The following AGFG1 variants were observed in gnomAD, a reference collection of about 807,000 sequenced individuals.
The protein encoded by AGFG1 is arf-GAP domain and FG repeat-containing protein 1.
A neutral mutation model predicts 60.6 loss-of-function variants in AGFG1; 10 were observed. That is an observed-to-expected ratio of 0.16 (90% CI 0.10 to 0.28). AGFG1 has a LOEUF of 0.28. AGFG1 is among the 10% of genes least tolerant of loss of function. AGFG1 has a pLI of 1.00. For missense variants in AGFG1, 537 were observed against 676.5 expected, an observed-to-expected ratio of 0.79 and a Z score of 2.29; for synonymous variants, 247 against 242.9, an observed-to-expected ratio of 1.02 and a Z score of -0.16.
chr2:227,524,674 T>C (rs1186491480), intron 4 of AGFG1, 88 bp from the exon 5 acceptor site: 5 of 1,362,054 alleles, frequency 3.7e-6, no homozygotes, highest in Non-Finnish European at 5.2e-6. Flanking sequence ...TTCGTATGTA[T>C]AAGTGTGTTT....
chr2:227,476,997 G>A (rs1690303885), intron 1 of AGFG1, among the ~76,000 whole-genome samples: 1 of 151,292 alleles, frequency 6.6e-6, no homozygotes, highest in African/African-American at 2.4e-5. Context: ...TGTCTCCCGG[G>A]TTCAAGCCAT....
chr2:227,524,451 C>T (rs1575096717), intron 4 of AGFG1, among the ~76,000 whole-genome samples: 1 of 152,266 alleles, frequency 6.6e-6, no homozygotes. Context: ...AGTTTGTCTT[C>T]TACACTTTAT....
intron 1 of AGFG1, among the ~76,000 whole-genome samples, chr2:227,474,008 T>C (rs931126300): frequency 6.6e-6 from 1 of 152,064 alleles, no homozygotes; most frequent in Non-Finnish European, 1.5e-5. Context: ...AACATGAAAA[T>C]TGTTTGATAG....
intron 12 of AGFG1, among the ~76,000 whole-genome samples, chr2:227,554,017 G>A (rs1383690661): frequency 6.6e-6 from 1 of 152,058 alleles, no homozygotes; most frequent in African/African-American, 2.4e-5. Flanking sequence ...TAAAAAATTA[G>A]TTGCAAATCA....
chr2:227,551,044 A>G (rs192934084), intron 10 of AGFG1, among the ~76,000 whole-genome samples: 46 of 152,340 alleles, frequency 3.0e-4, no homozygotes, highest in African/African-American at 1.1e-3. Flanking sequence ...AAAGAGGGAA[A>G]TGATGGCAGC....
At chr2:227,531,020 A>T (rs1278185607) in intron 5 of AGFG1, 71 bp from the exon 6 acceptor site, 2 of 1,337,922 alleles carry the variant, frequency 1.5e-6, no homozygotes, top group African/African-American at 3.0e-5. Context: ...TAATTCTTAA[A>T]CTCATGTGTC....
intron 2 of AGFG1, among the ~76,000 whole-genome samples, chr2:227,496,186 A>G (rs1314304347): frequency 6.6e-6 from 1 of 151,982 alleles, no homozygotes; most frequent in Non-Finnish European, 1.5e-5. Flanking sequence ...TAGGAGTAAA[A>G]TCAGGCATTG....
intron 2 of AGFG1, among the ~76,000 whole-genome samples, chr2:227,496,206 A>AT (rs1690970991): frequency 6.6e-6 from 1 of 152,042 alleles, no homozygotes; most frequent in South Asian, 2.1e-4. Context: ...GCATGCCAGT[A>AT]TTTGATTATC....
Position 227,531,203 on chromosome 2 carries a change from A to G in AGFG1, c.807A>G (p.Gln269=), listed in dbSNP as rs936554013. ...CAAGTCACTCTCCTTTTCAGCCCCAAACTACAGGTAGAGCTTCTCCAGCAT... is the reference window on the plus strand; with the variant it reads ...CAAGTCACTCTCCTTTTCAGCCCCAGACTACAGGTAGAGCTTCTCCAGCAT... ...PTASHSPFQP[Q]TTGGSAASVN... is the part of the protein sequence containing the mutation. Residue 269 remains glutamine (Q), a synonymous_variant, in exon 6 of 13, where the codon CAA becomes CAG. Transcript: ENST00000310078. The G allele has an allele frequency of 2.5e-6, 4 of 1,613,508 alleles. No individual in the cohort carries two copies. The highest frequency in any genetic ancestry group is 2.5e-6 in the Non-Finnish European group (3 of 1,179,676).
intron 10 of AGFG1, among the ~76,000 whole-genome samples, chr2:227,547,956 T>C (rs1281461784): frequency 6.6e-6 from 1 of 152,240 alleles, no homozygotes; most frequent in Non-Finnish European, 1.5e-5. Flanking sequence ...GCCCGTCAAC[T>C]GATGAAACCA....
At chr2:227,485,243 C>CTTTT (rs71036201) in intron 1 of AGFG1, among the ~76,000 whole-genome samples, 2 of 110,572 alleles carry the variant, frequency 1.8e-5, no homozygotes, top group Non-Finnish European at 1.8e-5. Flanking sequence ...CGAATCGTTT[C>CTTTT]TTTTTTTTTT....
intron 2 of AGFG1, among the ~76,000 whole-genome samples, chr2:227,515,021 C>T (rs78680577): frequency 0.054 from 8,227 of 152,130 alleles, 292 homozygotes; most frequent in African/African-American, 0.09. Flanking sequence ...TTGCCAGGCT[C>T]AGGTGATTCT....
chr2:227,509,512 A>G (rs1244083703), intron 2 of AGFG1, among the ~76,000 whole-genome samples: 3 of 152,140 alleles, frequency 2.0e-5, no homozygotes, highest in African/African-American at 4.8e-5. Flanking sequence ...TAATTGTGCT[A>G]TGGTTATGTA....
rs533409953 is a variant in AGFG1, at chr2:227,532,007, T to TA, written c.814+798dup. 1.1e-5 allele frequency: 7 copies of TA among 627,132 alleles called. No individual in the cohort carries two copies. In the South Asian group the frequency reaches 1.6e-4, roughly 15 times the overall value. 38.8% of individuals were successfully genotyped at this position (627,132 alleles called of 1,614,324 possible). On this transcript the variant is annotated intron_variant, in intron 6 of 12. Coordinates refer to ENST00000310078, the MANE Select transcript of AGFG1 (RefSeq NM_004504.5). ...TGTTTTCGTAAACTCATGGAACCCT[T>TA]ATTTAGATTTTTGGCTGATTACTTT...
Position 227,560,498 on chromosome 2 carries a change from T to C in AGFG1, c.*6003T>C, listed in dbSNP as rs1309612228. 1.3e-5 allele frequency: 2 copies of C among 152,152 alleles called. No homozygotes were observed. The highest frequency in any genetic ancestry group is 1.3e-4 in the Admixed American group (2 of 15,276). The allele number at this position is 152,152 out of a possible 1,614,324, so 9.4% of individuals were successfully genotyped here. On this transcript the variant is annotated 3_prime_UTR_variant, in exon 13 of 13. Coordinates refer to ENST00000310078, the MANE Select transcript of AGFG1 (RefSeq NM_004504.5). ...TAAATTAAACTGTTAAGACAGTCCATTGAAAGATTGTGGAAGTTCACATCT... is the reference window on the plus strand; with the variant it reads ...TAAATTAAACTGTTAAGACAGTCCACTGAAAGATTGTGGAAGTTCACATCT...
chr2:227,538,412 A>G (rs2106226926), intron 10 of AGFG1, among the ~76,000 whole-genome samples: 1 of 152,318 alleles, frequency 6.6e-6, no homozygotes, highest in South Asian at 2.1e-4. Context: ...TAAGAATGAT[A>G]GGGGGATGTT....
chr2:227,515,236 G>T (rs2106199229), intron 2 of AGFG1, among the ~76,000 whole-genome samples: 1 of 152,056 alleles, frequency 6.6e-6, no homozygotes, highest in East Asian at 1.9e-4. Flanking sequence ...ATTCATTTTA[G>T]GTACTGTTTT....
intron 2 of AGFG1, among the ~76,000 whole-genome samples, chr2:227,497,730 GTTTTGTTTTTTTTTT>G (rs1192231038): frequency 5.1e-5 from 2 of 38,926 alleles, no homozygotes; most frequent in East Asian, 1.8e-3. Context: ...TTTCTTTCTT[GTTTTGTTTTTTTTTT>G]TTTTTTTTTT....
intron 2 of AGFG1, 116 bp downstream of exon 2, chr2:227,491,756 GTATTTTATATTTAGA>G: frequency 1.8e-6 from 1 of 546,348 alleles, no homozygotes; most frequent in Non-Finnish European, 3.1e-6. Flanking sequence ...AGTTATTTTT[GTATTTTATATTTAGA>G]TATTTTAAAA....
Sources: gnomAD v4.1 joint callset for allele counts (sites outside exome capture counted in the v4.1 genomes callset) on GRCh38, gnomAD v4.1.1 for gene constraint, MANE v1.5 for transcripts, NCBI Gene and HGNC (gene_info 2026-07-23, HGNC 2026-07-21) for gene names.